Variants in ANKRD17 observed in about 807,000 individuals in gnomAD.
ANKRD17 encodes ankyrin repeat domain-containing protein 17.
ANKRD17 carries 19 observed loss-of-function variants against 229.7 expected under a neutral mutation model. The observed-to-expected ratio is 0.08, with a 90% confidence interval of 0.06 to 0.12. The LOEUF (loss-of-function observed/expected upper bound fraction) is 0.12, where lower values mean the gene tolerates loss of function less well. ANKRD17 is among the 10% of genes least tolerant of loss of function. ANKRD17 has a pLI of 1.00. For missense variants in ANKRD17, 2,176 were observed against 3,176.8 expected (o/e 0.68, Z 7.57); for synonymous variants, 1,112 against 1,146.1 (o/e 0.97, Z 0.60).
intron 16 of ANKRD17, among the ~76,000 whole-genome samples, chr4:73,129,761 CT>C (rs768232283): frequency 0.023 from 3,046 of 134,106 alleles, 38 homozygotes; most frequent in African/African-American, 0.04. Flanking sequence ...CTATTAATTA[CT>C]TTTTTTTTTT....
chr4:73,081,359 A>G lies in ANKRD17; in HGVS notation c.7160-2469T>C, dbSNP rs912792225. ...TGAGTGAGAGACCACAAATCCTCTA[A>G]GAGAGAGAGAGAGAGAGAATAGCTA... On this transcript the variant is annotated intron_variant, in intron 30 of 33. Transcript: ENST00000358602. 2.1e-5 allele frequency among the ~76,000 whole-genome samples: 3 copies of G among 144,312 alleles called. No individual in the cohort carries two copies. In the East Asian group the frequency reaches 5.8e-4, roughly 28 times the overall value. 94.7% of individuals were successfully genotyped at this position (144,312 alleles called of 152,430 possible).
intron 24 of ANKRD17, among the ~76,000 whole-genome samples, chr4:73,108,224 T>C (rs1365771252): frequency 6.6e-6 from 1 of 151,648 alleles, no homozygotes; most frequent in African/African-American, 2.4e-5. Context: ...GCAATAAGAG[T>C]TGTGGGTTTG....
At position 73,216,778 on chromosome 4, in the gene ANKRD17, T is replaced by A. The variant is rs537284065; in HGVS notation, c.394-39245A>T. On this transcript the variant is annotated intron_variant, in intron 1 of 33. Transcript: ENST00000358602. The stretch of plus-strand genomic sequence containing the variant: ...CCATAAAACTATGTGCTATCCTACT[T>A]ACAACACATATCCAACTAGTTAGAG... Among the ~76,000 whole-genome samples, 83 of 152,318 alleles carry A rather than the reference T, an allele frequency of 5.4e-4. 1 individual carries two copies. In the South Asian group the frequency reaches 0.016, roughly 29 times the overall value.
At chr4:73,255,548 G>A (rs1036300280) in intron 1 of ANKRD17, among the ~76,000 whole-genome samples, 1 of 152,114 alleles carries the variant, frequency 6.6e-6, no homozygotes, top group Non-Finnish European at 1.5e-5. Context: ...CAGAAAGTTA[G>A]GCTTCTGCTG....
At chr4:73,158,531 T>C (rs752453533) in intron 3 of ANKRD17, among the ~76,000 whole-genome samples, 1 of 151,830 alleles carries the variant, frequency 6.6e-6, no homozygotes, top group Non-Finnish European at 1.5e-5. Context: ...AAAGCCACCA[T>C]TTTAAGTGAG....
At chr4:73,208,603 G>C (rs1739826602) in intron 1 of ANKRD17, among the ~76,000 whole-genome samples, 1 of 152,188 alleles carries the variant, frequency 6.6e-6, no homozygotes, top group Non-Finnish European at 1.5e-5. Context: ...GGAGAGAATA[G>C]AGTGACTAAC....
intron 1 of ANKRD17, among the ~76,000 whole-genome samples, chr4:73,233,706 G>A (rs1380171829): frequency 1.3e-5 from 2 of 151,924 alleles, no homozygotes; most frequent in South Asian, 2.1e-4. Flanking sequence ...AAAGTGCATC[G>A]TTTTTTCCCA....
At chr4:73,248,195 G>A (rs1744673506) in intron 1 of ANKRD17, among the ~76,000 whole-genome samples, 1 of 151,612 alleles carries the variant, frequency 6.6e-6, no homozygotes, top group Non-Finnish European at 1.5e-5. Flanking sequence ...TAGTTGTCAA[G>A]GACACTCTAG....
intron 1 of ANKRD17, among the ~76,000 whole-genome samples, chr4:73,208,844 C>T (rs1739861435): frequency 6.6e-6 from 1 of 151,890 alleles, no homozygotes. Context: ...TAAGCTTCCA[C>T]ATAAAACTAG....
chr4:73,114,700 CTG>C (rs1292927049), intron 23 of ANKRD17, among the ~76,000 whole-genome samples: 1 of 152,014 alleles, frequency 6.6e-6, no homozygotes, highest in Non-Finnish European at 1.5e-5. Flanking sequence ...CCCTAAAAAC[CTG>C]TGATATATAG....
chr4:73,221,277 T>C, intron 1 of ANKRD17, among the ~76,000 whole-genome samples: 1 of 152,072 alleles, frequency 6.6e-6, no homozygotes, highest in African/African-American at 2.4e-5. Context: ...CTAGCAACAT[T>C]GAATAAATAA....
At chr4:73,114,042 G>T (rs1725636930) in intron 23 of ANKRD17, 134 bp from the exon 24 acceptor site, 1 of 579,744 alleles carries the variant, frequency 1.7e-6, no homozygotes, top group Non-Finnish European at 3.1e-6. Context: ...GAAAAAAGGT[G>T]TGCAAATAAA....
chr4:73,170,247 T>G (rs756210113), intron 2 of ANKRD17, among the ~76,000 whole-genome samples: 5 of 152,000 alleles, frequency 3.3e-5, no homozygotes, highest in African/African-American at 9.7e-5. Flanking sequence ...CACAGTAGGA[T>G]AGGGCACCAG....
intron 1 of ANKRD17, among the ~76,000 whole-genome samples, chr4:73,218,195 C>G (rs1349810617): frequency 1.3e-5 from 2 of 152,174 alleles, no homozygotes; most frequent in East Asian, 3.8e-4. Context: ...AGAAAAATAT[C>G]TGCTTACTGA....
rs567722702 is a variant in ANKRD17, at chr4:73,184,369, A to C, written c.394-6836T>G. The stretch of plus-strand genomic sequence containing the variant: ...CATGGTGAAAGCCTATTGCTATTTA[A>C]AATACAAAAATTAGCCAGGTGTTGT... On this transcript the variant is annotated intron_variant, in intron 1 of 33. Transcript: ENST00000358602. 1.4e-4 allele frequency among the ~76,000 whole-genome samples: 21 copies of C among 152,086 alleles called. No homozygotes were observed. The South Asian group carries it at 4.4e-3, about 32-fold the overall frequency.
In ANKRD17 at chr4:73,185,045, G is replaced by T. The variant is rs151223009; in HGVS notation, c.394-7512C>A. ...CTTAAGTAAAACAAATGCATTATGT[G>T]AGGTGAAGATGGAAAAAAGGGCCAG... On this transcript the variant is annotated intron_variant, in intron 1 of 33. Coordinates refer to ENST00000358602, the MANE Select transcript of ANKRD17 (RefSeq NM_032217.5). Among the ~76,000 whole-genome samples the T allele has an allele frequency of 2.1e-3, 319 of 152,148 alleles. 1 individual carries two copies. The highest frequency in any genetic ancestry group is 7.2e-3 in the African/African-American group (297 of 41,534).
At chr4:73,097,385 C>T (rs1441650529) in intron 26 of ANKRD17, 113 bp from the exon 27 acceptor site, 9 of 895,446 alleles carry the variant, frequency 1.0e-5, no homozygotes, top group African/African-American at 3.6e-5. Context: ...TAACAAATGA[C>T]GACCTTATTT....
At chr4:73,252,967 T>C (rs1180156369) in intron 1 of ANKRD17, among the ~76,000 whole-genome samples, 2 of 152,206 alleles carry the variant, frequency 1.3e-5, no homozygotes, top group Non-Finnish European at 2.9e-5. Flanking sequence ...CGTCTCCCCT[T>C]ATACAAGCCG....
chr4:73,172,574 C>T (rs993236601), intron 2 of ANKRD17, among the ~76,000 whole-genome samples: 3 of 152,092 alleles, frequency 2.0e-5, no homozygotes, highest in African/African-American at 7.2e-5. Context: ...GAAAGATTAA[C>T]AAATCAAAAA....
Sources: allele counts gnomAD v4.1 joint callset (sites outside exome capture counted in the v4.1 genomes callset), GRCh38; gene constraint gnomAD v4.1.1; transcripts MANE v1.5; gene names NCBI Gene and HGNC (gene_info 2026-07-23, HGNC 2026-07-21).